Variants in ATPAF1 observed in about 807,000 individuals in gnomAD.
The protein encoded by ATPAF1 is homolog of yeast ATP11.
Under a neutral mutation model 43.9 loss-of-function variants are expected in ATPAF1, and 26 were observed. That is an observed-to-expected ratio of 0.59 (90% CI 0.43 to 0.82). The LOEUF is 0.82. Ranked by LOEUF, ATPAF1 falls within the 40% of genes least tolerant of loss-of-function variation. The pLI is 0.00. For synonymous variants in ATPAF1, 157 were observed against 168.0 expected, an observed-to-expected ratio of 0.93 and a Z score of 0.50; for missense variants, 366 against 435.0, an observed-to-expected ratio of 0.84 and a Z score of 1.41.
chr1:46,651,813 A>G lies in ATPAF1; in HGVS notation c.588+768T>C, dbSNP rs550999839. On this transcript the variant is annotated intron_variant, in intron 6 of 8. Transcript: ENST00000574428. ...AAAGGGCTAATATCCAGAATCTACA[A>G]TGAACTCAAACAAATTTACAAGAAA... Among the ~76,000 whole-genome samples the G allele has an allele frequency of 2.6e-5, 4 of 152,282 alleles. No individual in the cohort carries two copies. In the South Asian group the frequency reaches 8.3e-4, roughly 32 times the overall value.
intron 8 of ATPAF1, among the ~76,000 whole-genome samples, chr1:46,641,497 T>C (rs1438394880): frequency 1.3e-5 from 2 of 152,222 alleles, no homozygotes; most frequent in Admixed American, 1.3e-4. Flanking sequence ...CTTCCCTTTA[T>C]AGAAATGCCC....
At chr1:46,636,010 G>A (rs775064279) in intron 8 of ATPAF1, 40 bp from the exon 9 acceptor site, 4 of 1,600,534 alleles carry the variant, frequency 2.5e-6, no homozygotes, top group Non-Finnish European at 3.4e-6. Context: ...TTCTTGCACA[G>A]GGCCACAAAG....
At chr1:46,643,448 G>C (rs866190163) in intron 7 of ATPAF1, 147 bp from the exon 8 acceptor site, 2 of 614,720 alleles carry the variant, frequency 3.3e-6, no homozygotes, top group Middle Eastern at 2.6e-4. Context: ...GTGGTGGTAA[G>C]GTCAGGCCTG....
intron 4 of ATPAF1, among the ~76,000 whole-genome samples, chr1:46,654,528 T>TTTATTTTA (rs1553218331): frequency 0.029 from 3,860 of 135,244 alleles, 150 homozygotes; most frequent in African/African-American, 0.1. Flanking sequence ...TATTTATTTA[T>TTTATTTTA]TTATTATTAT....
chr1:46,638,062 A>C (rs1242861725), intron 8 of ATPAF1, among the ~76,000 whole-genome samples: 1 of 152,218 alleles, frequency 6.6e-6, no homozygotes, highest in East Asian at 1.9e-4. Flanking sequence ...AAGCAAGTGC[A>C]CTGCTATAAT....
chr1:46,647,321 A>G (rs527282914), intron 6 of ATPAF1, among the ~76,000 whole-genome samples: 5 of 152,236 alleles, frequency 3.3e-5, no homozygotes, highest in East Asian at 1.9e-4. Context: ...AGTTCCCCCA[A>G]TAAATCATCC....
chr1:46,668,266 C>T lies in ATPAF1; in HGVS notation c.57G>A (p.Val19=), dbSNP rs1390622515. Residue 19 remains valine, a synonymous_variant, in exon 1 of 9, where the codon GTG becomes GTA. Coordinates refer to ENST00000574428, the Ensembl canonical transcript of ATPAF1. This position sits in a 1 kb window ranked among gnomAD's most constrained non-coding sequence, Gnocchi z 4.4. ...CGCACAGGCCCCGGTAGAGACCGGC[C>T]ACCTGCAGGACCGCCGGTCCCGCGC... 5 of 1,389,536 alleles carry T rather than the reference C, an allele frequency of 3.6e-6. No individual in the cohort carries two copies. The highest frequency in any genetic ancestry group is 4.7e-6 in the Non-Finnish European group (5 of 1,068,056). 86.1% of individuals were successfully genotyped at this position (1,389,536 alleles called of 1,614,324 possible). A position where few individuals can be genotyped will look rare whatever the true frequency, so the allele number is the denominator to read the frequency against.
At chr1:46,668,396 C>T, upstream of ATPAF1, 1 of 1,194,710 alleles carries the variant, frequency 8.4e-7, no homozygotes. The surrounding 1 kb of genome is among the most constrained non-coding windows in gnomAD (Gnocchi z 4.4). Context: ...CTCCATCCCG[C>T]TCCGAGTGCG....
downstream of ATPAF1, chr1:46,633,686 C>T (rs1675789486): frequency 2.2e-6 from 1 of 455,666 alleles, no homozygotes; most frequent in Admixed American, 2.4e-5. Flanking sequence ...ATGGACACAT[C>T]CTACTTGGCA....
At position 46,653,901 on chromosome 1, in the gene ATPAF1, T is replaced by C; in HGVS notation, c.490-34A>G. The C allele has an allele frequency of 1.9e-6, 3 of 1,598,132 alleles. No individual in the cohort carries two copies. Among genetic ancestry groups the C allele is most frequent in the Non-Finnish European group, 2.6e-6 (3 of 1,169,450 alleles). ...AAAAGAGAGGGGTGTCTGTGACATGTGGGTAATCTTTTCAACATGTGCCAA... is the reference window on the plus strand; with the variant it reads ...AAAAGAGAGGGGTGTCTGTGACATGCGGGTAATCTTTTCAACATGTGCCAA... On this transcript the variant is annotated intron_variant, in intron 4 of 8. Transcript: ENST00000574428. This position sits in a 1 kb window ranked among gnomAD's most constrained non-coding sequence, Gnocchi z 4.8.
At position 46,663,978 on chromosome 1, in the gene ATPAF1, T is replaced by C. The variant is rs547196823; in HGVS notation, c.375+1278A>G. 54 of 1,077,738 alleles carry C rather than the reference T, an allele frequency of 5.0e-5. No homozygotes were observed. In the South Asian group the frequency reaches 6.5e-4, roughly 13 times the overall value. 66.8% of individuals were successfully genotyped at this position (1,077,738 alleles called of 1,614,324 possible). Reference sequence around the variant, plus strand: ...GTGAAATACATTTAGTGGATTGTGATCAGAGTTTTTTAAAAGATGAAAGAG... The same window carrying C: ...GTGAAATACATTTAGTGGATTGTGACCAGAGTTTTTTAAAAGATGAAAGAG... On this transcript the variant is annotated intron_variant, in intron 2 of 8. Transcript: ENST00000574428.
At chr1:46,654,756 G>A (rs646140) in intron 4 of ATPAF1, among the ~76,000 whole-genome samples, 1 of 151,586 alleles carries the variant, frequency 6.6e-6, no homozygotes, top group African/African-American at 2.4e-5. Flanking sequence ...TGTTCTCATT[G>A]TTCAACTCTC....
At chr1:46,667,680 G>A (rs562518376) in intron 1 of ATPAF1, among the ~76,000 whole-genome samples, 1 of 152,278 alleles carries the variant, frequency 6.6e-6, no homozygotes, top group East Asian at 1.9e-4. Flanking sequence ...CCAGCTCTGA[G>A]CCAGGCCTCA....
In ATPAF1 at chr1:46,645,998, G is replaced by C. The variant is rs117362168; in HGVS notation, c.589-742C>G. Among the ~76,000 whole-genome samples, 900 of 152,156 alleles carry C rather than the reference G, an allele frequency of 5.9e-3. 11 individuals carry two copies. The highest frequency in any genetic ancestry group is 0.033 in the East Asian group (170 of 5,158). On this transcript the variant is annotated intron_variant, in intron 6 of 8. Transcript: ENST00000574428. ...GAGGCCAACCTGGACAATACAGTGA[G>C]ACCCCGTCACTACAAAAAAATAAAA...
At position 46,647,281 on chromosome 1, in the gene ATPAF1, C is replaced by T. The variant is rs1421439702; in HGVS notation, c.589-2025G>A. Among the ~76,000 whole-genome samples the T allele has an allele frequency of 2.0e-5, 3 of 152,130 alleles. No individual in the cohort carries two copies. In the East Asian group the frequency reaches 5.8e-4, roughly 29 times the overall value. On this transcript the variant is annotated intron_variant, in intron 6 of 8. Coordinates refer to ENST00000574428, the Ensembl canonical transcript of ATPAF1. ...GTGGTGTGGAGATCTACCTGTATTG[C>T]AGCCACCCAATACGACATTCCCGTC... is the stretch of plus-strand genomic sequence containing the variant.
intron 1 of ATPAF1, among the ~76,000 whole-genome samples, chr1:46,667,388 T>C (rs625507): frequency 0.4 from 61,206 of 152,022 alleles, 14,206 homozygotes; most frequent in East Asian, 0.78. Flanking sequence ...ACTCTTCAGA[T>C]GCTCCTATAG....
At chr1:46,644,959 T>C (rs913875192) in intron 7 of ATPAF1, among the ~76,000 whole-genome samples, 5 of 152,202 alleles carry the variant, frequency 3.3e-5, no homozygotes, top group Non-Finnish European at 7.3e-5. Context: ...AGAGAAGGTG[T>C]TTTGGAGTCT....
In ATPAF1 at chr1:46,659,059, C is replaced by T. The variant is rs557222502; in HGVS notation, c.376-322G>A. ...ACAAAAAATTAGCTGGGCATAGTGGCGGGTGCCTGTGATCCCAGATACTTG... is the reference window on the plus strand; with the variant it reads ...ACAAAAAATTAGCTGGGCATAGTGGTGGGTGCCTGTGATCCCAGATACTTG... On this transcript the variant is annotated intron_variant, in intron 2 of 8. Coordinates refer to ENST00000574428, the Ensembl canonical transcript of ATPAF1. Among the ~76,000 whole-genome samples the T allele has an allele frequency of 1.1e-4, 17 of 151,714 alleles. No individual in the cohort carries two copies. The East Asian group carries it at 3.3e-3, about 29-fold the overall frequency.
chr1:46,660,727 T>C (rs1676371798), intron 2 of ATPAF1, among the ~76,000 whole-genome samples: 1 of 152,182 alleles, frequency 6.6e-6, no homozygotes. Context: ...GTATTTTACT[T>C]CCCTACTATG....
Sources: gnomAD v4.1 joint callset for allele counts (sites outside exome capture counted in the v4.1 genomes callset) on GRCh38, gnomAD v4.1.1 for gene constraint, Gnocchi (gnomAD v3.1) non-coding constraint, MANE v1.5 for transcripts, NCBI Gene and HGNC (gene_info 2026-07-23, HGNC 2026-07-21) for gene names.